Variants in AGBL4 observed in about 807,000 individuals in gnomAD.
AGBL4 encodes the protein cytosolic carboxypeptidase 6.
A neutral mutation model predicts 66.4 loss-of-function variants in AGBL4; 58 were observed. The observed-to-expected ratio is 0.87, with a 90% CI of 0.71 to 1.09. The LOEUF (loss-of-function observed/expected upper bound fraction) is 1.09, where lower values mean the gene tolerates loss of function less well. AGBL4 is among the 50% of genes least tolerant of loss of function. The probability of loss-of-function intolerance (pLI) is 0.00; values close to 1 mark genes in which losing one functional copy is unlikely to be tolerated. For synonymous variants in AGBL4, 234 were observed against 222.9 expected (o/e 1.05, Z -0.44); for missense variants, 579 against 631.0 (o/e 0.92, Z 0.88).
chr1:49,813,282 C>T (rs1645148221), intron 2 of AGBL4, among the ~76,000 whole-genome samples: 1 of 152,094 alleles, frequency 6.6e-6, no homozygotes, highest in Non-Finnish European at 1.5e-5. Flanking sequence ...TTAAGAAAAA[C>T]ATTAAAAATT....
At chr1:49,149,509 A>AT (rs1646284697) in intron 4 of AGBL4, among the ~76,000 whole-genome samples, 1 of 152,230 alleles carries the variant, frequency 6.6e-6, no homozygotes, top group Non-Finnish European at 1.5e-5. Flanking sequence ...TAGGGACTAC[A>AT]ACCTAAAGCT....
At chr1:49,439,344 T>C (rs1215126570) in intron 3 of AGBL4, among the ~76,000 whole-genome samples, 1 of 152,224 alleles carries the variant, frequency 6.6e-6, no homozygotes, top group East Asian at 1.9e-4. Context: ...TGTTTAATCA[T>C]GTCTCCTCTA....
intron 2 of AGBL4, among the ~76,000 whole-genome samples, chr1:49,774,630 T>C (rs1236388255): frequency 6.6e-6 from 1 of 152,244 alleles, no homozygotes; most frequent in African/African-American, 2.4e-5. Context: ...ATTGAAAAGA[T>C]ATCTTTTCTT....
At chr1:48,682,859 C>A (rs1195829815) in intron 6 of AGBL4, among the ~76,000 whole-genome samples, 2 of 152,134 alleles carry the variant, frequency 1.3e-5, no homozygotes, top group Non-Finnish European at 2.9e-5. Context: ...GGATCACAAC[C>A]CTTGTCTGCC....
At chr1:48,797,767 G>T (rs1645723046) in intron 6 of AGBL4, among the ~76,000 whole-genome samples, 1 of 152,084 alleles carries the variant, frequency 6.6e-6, no homozygotes, top group African/African-American at 2.4e-5. Flanking sequence ...GGCTGGACTT[G>T]AACTCTTGAC....
intron 3 of AGBL4, among the ~76,000 whole-genome samples, chr1:49,653,854 T>C (rs949247650): frequency 6.7e-6 from 1 of 150,046 alleles, no homozygotes; most frequent in South Asian, 2.1e-4. Context: ...CTGATAGAGG[T>C]ATCTGAAAGA....
chr1:49,892,451 A>C (rs1571816941), intron 1 of AGBL4, among the ~76,000 whole-genome samples: 1 of 152,218 alleles, frequency 6.6e-6, no homozygotes, highest in African/African-American at 2.4e-5. Context: ...AATTAAGCAC[A>C]TGCAAATTAT....
chr1:49,666,049 A>G (rs1646361076), intron 3 of AGBL4, among the ~76,000 whole-genome samples: 1 of 151,724 alleles, frequency 6.6e-6, no homozygotes, highest in African/African-American at 2.4e-5. Flanking sequence ...GCTGAACTCG[A>G]ACACCTGGCA....
chr1:49,708,977 T>C (rs1295957505), intron 2 of AGBL4, among the ~76,000 whole-genome samples: 2 of 152,156 alleles, frequency 1.3e-5, no homozygotes, highest in Admixed American at 6.5e-5. Flanking sequence ...AGCTCTACTG[T>C]ATGAGGTGTC....
At chr1:49,455,466 C>T (rs536013443) in intron 3 of AGBL4, among the ~76,000 whole-genome samples, 1 of 151,680 alleles carries the variant, frequency 6.6e-6, no homozygotes, top group South Asian at 2.1e-4. Context: ...CACCTTAATT[C>T]TAGCACTCTC....
At chr1:49,948,114 G>GTATGTATATGTATATA (rs1655562151) in intron 1 of AGBL4, among the ~76,000 whole-genome samples, 1 of 76,622 alleles carries the variant, frequency 1.3e-5, no homozygotes, top group Non-Finnish European at 2.2e-5. Context: ...ATATGTAAAT[G>GTATGTATATGTATATA]TATGTAAATA....
chr1:49,287,596 A>G (rs1483906045), intron 3 of AGBL4, among the ~76,000 whole-genome samples: 1 of 151,974 alleles, frequency 6.6e-6, no homozygotes, highest in African/African-American at 2.4e-5. Context: ...TTATGCAGCC[A>G]AAAAACACAT....
intron 3 of AGBL4, among the ~76,000 whole-genome samples, chr1:49,255,642 T>C (rs1006682953): frequency 6.6e-6 from 1 of 152,170 alleles, no homozygotes; most frequent in African/African-American, 2.4e-5. Context: ...TGTCATTTGA[T>C]CCAGCAATCC....
At chr1:49,185,154 A>C (rs1343569605) in intron 4 of AGBL4, among the ~76,000 whole-genome samples, 2 of 152,164 alleles carry the variant, frequency 1.3e-5, no homozygotes, top group Non-Finnish European at 2.9e-5. Context: ...GGGTTTTCTT[A>C]GTCCATATTG....
chr1:49,312,115 ATTC>A (rs1644951490), intron 3 of AGBL4, among the ~76,000 whole-genome samples: 1 of 152,120 alleles, frequency 6.6e-6, no homozygotes, highest in Non-Finnish European at 1.5e-5. Flanking sequence ...CCCCTCCAAA[ATTC>A]TTACAGAAAC....
intron 3 of AGBL4, among the ~76,000 whole-genome samples, chr1:49,532,669 G>A (rs1217546812): frequency 2.0e-5 from 3 of 152,060 alleles, no homozygotes; most frequent in African/African-American, 7.2e-5. Context: ...AAAGAAAAGG[G>A]AATCAAGAAG....
chr1:49,705,278 T>C (rs1415597131), intron 2 of AGBL4, among the ~76,000 whole-genome samples: 1 of 152,238 alleles, frequency 6.6e-6, no homozygotes, highest in African/African-American at 2.4e-5. Flanking sequence ...ATTGATTTTG[T>C]ATCCTGTGAC....
At chr1:49,156,566 C>T (rs893224571) in intron 4 of AGBL4, among the ~76,000 whole-genome samples, 2 of 152,088 alleles carry the variant, frequency 1.3e-5, no homozygotes, top group African/African-American at 4.8e-5. Flanking sequence ...CTTCCAAGCT[C>T]ATTGGCATGG....
intron 8 of AGBL4, among the ~76,000 whole-genome samples, chr1:48,647,760 G>C (rs1287465483): frequency 6.6e-6 from 1 of 152,172 alleles, no homozygotes. Context: ...TGCAAAAGAA[G>C]TGACGAGGAA....
Sources: gnomAD v4.1 joint callset for allele counts (sites outside exome capture counted in the v4.1 genomes callset) on GRCh38, gnomAD v4.1.1 for gene constraint, MANE v1.5 for transcripts, NCBI Gene and HGNC (gene_info 2026-07-23, HGNC 2026-07-21) for gene names.